Variants in LHFPL7 observed in about 807,000 individuals in gnomAD.
The protein encoded by LHFPL7 is LHFPL tetraspan subfamily member 7.
the LHFPL7 span, chr22:24,938,205 T>G: frequency 1.2e-6 from 2 of 1,614,190 alleles, no homozygotes; most frequent in Non-Finnish European, 1.7e-6. Context: ...GCACAGCCCT[T>G]TGGGGGCCAC....
chr22:24,940,421 G>A, the LHFPL7 span, among the ~76,000 whole-genome samples: 5 of 149,292 alleles, frequency 3.3e-5, no homozygotes, highest in Admixed American at 6.7e-5. Flanking sequence ...GTGAAACTCC[G>A]TCTCTACTAA....
At chr22:24,939,373 A>C in the LHFPL7 span, 1 of 703,044 alleles carries the variant, frequency 1.4e-6, no homozygotes, top group Non-Finnish European at 2.6e-6. Context: ...AGGGAACTGA[A>C]GGTCACGCAG....
At chr22:24,935,768 G>A in the LHFPL7 span, among the ~76,000 whole-genome samples, 3 of 151,112 alleles carry the variant, frequency 2.0e-5, no homozygotes, top group Admixed American at 6.6e-5. Context: ...ATTCAACTAC[G>A]CTTCCAACTA....
At chr22:24,941,022 C>T in the LHFPL7 span, among the ~76,000 whole-genome samples, 43 of 151,862 alleles carry the variant, frequency 2.8e-4, no homozygotes, top group Non-Finnish European at 4.3e-4. Context: ...GCCAGGCTGG[C>T]CTCAAGGAAC....
At chr22:24,939,924 C>CTTTTTTTTT in the LHFPL7 span, among the ~76,000 whole-genome samples, 26 of 86,988 alleles carry the variant, frequency 3.0e-4, no homozygotes, top group East Asian at 1.8e-3. Context: ...TCATTTATCG[C>CTTTTTTTTT]TTTTTTTTTT....
chr22:24,937,273 T>C, the LHFPL7 span, among the ~76,000 whole-genome samples: 1 of 151,990 alleles, frequency 6.6e-6, no homozygotes, highest in Non-Finnish European at 1.5e-5. Flanking sequence ...ATGAAGTGAG[T>C]AGCAAGACCT....
the LHFPL7 span, among the ~76,000 whole-genome samples, chr22:24,938,850 G>C: frequency 6.6e-6 from 1 of 152,138 alleles, no homozygotes; most frequent in African/African-American, 2.4e-5. Flanking sequence ...GTGTTTAGAG[G>C]GTGGCCAGGT....
the LHFPL7 span, among the ~76,000 whole-genome samples, chr22:24,940,128 G>T: frequency 6.7e-6 from 1 of 148,440 alleles, no homozygotes; most frequent in Non-Finnish European, 1.5e-5. Context: ...GGGTTCCACC[G>T]TGTTAGCCAG....
chr22:24,944,669 C>T, the LHFPL7 span, among the ~76,000 whole-genome samples: 1 of 152,172 alleles, frequency 6.6e-6, no homozygotes, highest in Admixed American at 6.5e-5. Context: ...ATCCTCCCAC[C>T]TCAGCCTCCC....
chr22:24,935,349 G>T, the LHFPL7 span: 2 of 1,612,868 alleles, frequency 1.2e-6, no homozygotes, highest in South Asian at 1.1e-5. Context: ...GTTCATTTCT[G>T]GCACAAAGAT....
At chr22:24,937,346 A>AT in the LHFPL7 span, among the ~76,000 whole-genome samples, 4 of 152,196 alleles carry the variant, frequency 2.6e-5, no homozygotes, top group African/African-American at 9.7e-5. Context: ...TGAGCAACAG[A>AT]TTGCAAATCA....
the LHFPL7 span, among the ~76,000 whole-genome samples, chr22:24,946,361 C>T: frequency 1.3e-5 from 2 of 152,060 alleles, no homozygotes; most frequent in African/African-American, 4.8e-5. Context: ...ATGGATGTTT[C>T]CACGTGCACT....
the LHFPL7 span, chr22:24,938,045 C>A: frequency 2.0e-6 from 3 of 1,495,260 alleles, no homozygotes; most frequent in South Asian, 1.3e-5. Flanking sequence ...AGGTCTGACC[C>A]GAGAGGCCAG....
At chr22:24,940,547 G>A in the LHFPL7 span, among the ~76,000 whole-genome samples, 4 of 150,976 alleles carry the variant, frequency 2.6e-5, no homozygotes, top group Non-Finnish European at 5.9e-5. Flanking sequence ...AGTGAGCCGA[G>A]ATCGCACCAC....
chr22:24,939,343 C>G, the LHFPL7 span: 1 of 702,908 alleles, frequency 1.4e-6, no homozygotes. Context: ...ACCTTCCAGG[C>G]AAAGTCAGGA....
chr22:24,941,443 T>G, the LHFPL7 span, among the ~76,000 whole-genome samples: 1 of 152,246 alleles, frequency 6.6e-6, no homozygotes, highest in South Asian at 2.1e-4. Flanking sequence ...ATGTCTTGGT[T>G]TGGGTTCCCT....
the LHFPL7 span, among the ~76,000 whole-genome samples, chr22:24,936,456 A>G: frequency 6.6e-6 from 1 of 152,300 alleles, no homozygotes. Context: ...CAACACACTC[A>G]TTCATCCATT....
At chr22:24,941,405 G>A in the LHFPL7 span, among the ~76,000 whole-genome samples, 2 of 151,966 alleles carry the variant, frequency 1.3e-5, no homozygotes, top group Non-Finnish European at 2.9e-5. Context: ...TGCATTCTGC[G>A]TCTTACTTTT....
At chr22:24,940,172 T>C in the LHFPL7 span, among the ~76,000 whole-genome samples, 25 of 150,208 alleles carry the variant, frequency 1.7e-4, no homozygotes, top group Non-Finnish European at 3.4e-4. Context: ...GTGATCCGCC[T>C]GCCTCGGCCT....
Sources: gnomAD v4.1 joint callset for allele counts (sites outside exome capture counted in the v4.1 genomes callset) on GRCh38, gnomAD v4.1.1 for gene constraint, MANE v1.5 for transcripts, NCBI Gene and HGNC (gene_info 2026-07-23, HGNC 2026-07-21) for gene names.